SPATA19: variants seen among roughly 807,000 people sequenced by gnomAD.
SPATA19 encodes the protein spermatogenesis-associated protein 19, mitochondrial.
A neutral mutation model predicts 25.0 loss-of-function variants in SPATA19; 19 were observed. The ratio of observed to expected loss-of-function variants is 0.76; its 90% CI spans 0.53 to 1.11. SPATA19 has a LOEUF of 1.11. Among genes scored for constraint, SPATA19 ranks in the 50% most tolerant of loss-of-function variants. The probability of loss-of-function intolerance (pLI) is 0.00; values close to 1 mark genes in which losing one functional copy is unlikely to be tolerated. For synonymous variants in SPATA19, 64 were observed against 69.3 expected (o/e 0.92, Z 0.38); for missense variants, 222 against 211.4 (o/e 1.05, Z -0.31).
intron 2 of SPATA19, 121 bp from the exon 3 acceptor site, chr11:133,844,761 A>G: frequency 1.7e-6 from 2 of 1,176,686 alleles, no homozygotes; most frequent in Non-Finnish European, 2.4e-6. Context: ...ATTCACACAC[A>G]TACACTCCTT....
Position 133,844,643 on chromosome 11 carries a change from G to C in SPATA19, c.136-3C>G. The C allele has an allele frequency of 1.9e-6, 3 of 1,588,652 alleles. No homozygotes were observed. In the East Asian group the frequency reaches 6.7e-5, roughly 36 times the overall value. ...CCCCGAGAAGCCTCTTCTTCTGTCT[G>C]AAAGGTGAGAAATTCCCTCTGAAAA... On this transcript the variant is annotated splice_region_variant and splice_polypyrimidine_tract_variant and intron_variant, in intron 2 of 6. Transcript: ENST00000299140.
rs772940153 is a variant in SPATA19 at position 133,845,190 on chromosome 11, C to T, written c.79G>A (p.Asp27Asn). The change falls in exon 2 of 7, where the codon GAC (aspartate) becomes AAC (asparagine). Residue 27 changes from aspartate to asparagine, a missense_variant and splice_region_variant. Asp to Asn is a conservative substitution (Grantham distance 23, BLOSUM62 1). Transcript: ENST00000299140. ...GCCTCACTTTCCACAACGTCAATGT[C>T]CTGGAACAAATTGGCAAGTTGGTGA... The part of the protein sequence containing the change: ...GLPFLPITSS[D>N]IDVVESEAVS... 5.8e-5 allele frequency: 94 copies of T among 1,613,926 alleles called. No homozygotes were observed. Among genetic ancestry groups the T allele is most frequent in the Non-Finnish European group, 7.5e-5 (89 of 1,179,998 alleles).
chr11:133,842,348 G>A, intron 5 of SPATA19, 137 bp downstream of exon 5: 1 of 791,614 alleles, frequency 1.3e-6, no homozygotes, highest in Non-Finnish European at 2.2e-6. Context: ...ACGCAGCCCT[G>A]GGAACTGTGT....
At chr11:133,844,480 C>A (rs555461058) in intron 3 of SPATA19, 29 bp downstream of exon 3, 29 of 1,614,124 alleles carry the variant, frequency 1.8e-5, no homozygotes, top group East Asian at 6.7e-5. Flanking sequence ...CACCGCTACT[C>A]CCAGGCAAGG....
chr11:133,836,085 T>C (rs1252810430), downstream of SPATA19, among the ~76,000 whole-genome samples: 2 of 152,180 alleles, frequency 1.3e-5, no homozygotes, highest in Non-Finnish European at 2.9e-5. Flanking sequence ...AGGTCTCCAC[T>C]TGCCACATGG....
downstream of SPATA19, among the ~76,000 whole-genome samples, chr11:133,836,634 C>T (rs760429664): frequency 6.6e-6 from 1 of 152,284 alleles, no homozygotes; most frequent in Middle Eastern, 3.4e-3. Flanking sequence ...ATGGGGATGA[C>T]GATTTTAAAA....
At chr11:133,838,952 G>C (rs1159165283), downstream of SPATA19, among the ~76,000 whole-genome samples, 2 of 152,006 alleles carry the variant, frequency 1.3e-5, no homozygotes, top group East Asian at 3.9e-4. Flanking sequence ...ACTGGCCATC[G>C]GAGAAATGCA....
intron 6 of SPATA19, among the ~76,000 whole-genome samples, chr11:133,841,794 C>G (rs1938315839): frequency 1.3e-5 from 2 of 152,200 alleles, no homozygotes; most frequent in Non-Finnish European, 2.9e-5. Flanking sequence ...CTCTCTGACA[C>G]CACAGAGTCA....
At chr11:133,835,943 G>A (rs1248313921), downstream of SPATA19, among the ~76,000 whole-genome samples, 1 of 152,126 alleles carries the variant, frequency 6.6e-6, no homozygotes, top group African/African-American at 2.4e-5. Flanking sequence ...CCACTGCCCA[G>A]TGGATCCTTC....
intron 2 of SPATA19, 40 bp downstream of exon 2, chr11:133,845,094 G>T: frequency 1.3e-6 from 2 of 1,575,246 alleles, no homozygotes; most frequent in South Asian, 2.3e-5. Flanking sequence ...CACTTCTCTA[G>T]CATTTTGGAT....
chr11:133,841,985 A>G, intron 6 of SPATA19, 45 bp downstream of exon 6: 1 of 1,569,678 alleles, frequency 6.4e-7, no homozygotes, highest in Non-Finnish European at 8.8e-7. Flanking sequence ...ACTGCCCAGG[A>G]TAACCATCTT....
rs1029249565 is a variant in SPATA19, at chr11:133,840,670, A to G, written c.*263T>C. ...ACATCTCTTTATTCGCAGTTCAGCA[A>G]GAAGACTCCAGTGCTGACACTGTCG... On this transcript the variant is annotated 3_prime_UTR_variant, in exon 7 of 7. Coordinates refer to ENST00000299140, the MANE Select transcript of SPATA19 (RefSeq NM_174927.3). 1.3e-5 allele frequency: 2 copies of G among 152,210 alleles called. No homozygotes were observed. Among genetic ancestry groups the G allele is most frequent in the South Asian group, 4.1e-4 (2 of 4,830 alleles). The allele number at this position is 152,210 out of a possible 1,614,324, so 9.4% of individuals were successfully genotyped here.
intron 1 of SPATA19, 53 bp from the exon 2 acceptor site, chr11:133,845,243 T>TACCCCCC: frequency 6.4e-7 from 1 of 1,555,092 alleles, no homozygotes; most frequent in Non-Finnish European, 8.8e-7. Flanking sequence ...ATTCAGCTCT[T>TACCCCCC]CCCACCCAGC....
At chr11:133,842,191 G>A (rs1422972726) in intron 5 of SPATA19, 86 bp from the exon 6 acceptor site, 2 of 1,367,658 alleles carry the variant, frequency 1.5e-6, no homozygotes, top group Admixed American at 1.7e-5. Flanking sequence ...GGGCTGCGGT[G>A]GGAGGGCAGG....
chr11:133,842,380 A>T (rs1297094300), intron 5 of SPATA19, 105 bp downstream of exon 5: 2 of 884,670 alleles, frequency 2.3e-6, no homozygotes, highest in Non-Finnish European at 3.8e-6. Flanking sequence ...TGATGTTGGC[A>T]TACCAGAGAT....
chr11:133,842,507 G>C lies in SPATA19; in HGVS notation c.415C>G (p.Arg139Gly), dbSNP rs771066000. ...SEMTEDIMRD[R>G]IEQVRRSISR... The stretch of plus-strand genomic sequence containing the variant: ...TACCTTCGTCTCACCTGCTCTATTC[G>C]ATCTCGCATGATGTCCTCTGTCATC... The change falls in exon 5 of 7, where the codon CGA (arginine) becomes GGA (glycine). Residue 139 changes from arginine (R) to glycine (G), a missense_variant. Physicochemically the swap from Arg to Gly is moderately radical, Grantham distance 125. Coordinates refer to ENST00000299140, the MANE Select transcript of SPATA19 (RefSeq NM_174927.3). 4.1e-5 allele frequency: 66 copies of C among 1,613,758 alleles called. No homozygotes were observed. The highest frequency in any genetic ancestry group is 5.3e-5 in the Non-Finnish European group (63 of 1,179,892).
chr11:133,841,373 A>G (rs1938304971), intron 6 of SPATA19, among the ~76,000 whole-genome samples: 1 of 152,200 alleles, frequency 6.6e-6, no homozygotes, highest in Admixed American at 6.5e-5. Flanking sequence ...ACTGCTCTCC[A>G]ACAGCCTTCC....
At chr11:133,841,714 C>A (rs1472526033) in intron 6 of SPATA19, among the ~76,000 whole-genome samples, 2 of 152,188 alleles carry the variant, frequency 1.3e-5, no homozygotes, top group East Asian at 3.8e-4. Flanking sequence ...TTTAGAAATG[C>A]AAAATTGCAG....
rs1226862734 is a variant in SPATA19 at position 133,845,262 on chromosome 11, C to A, written c.79-72G>T. ...AGCTCTTCCCACCCAGCCCCCGCAA[C>A]TGTTACTCAAATTTATTTGTAAGAT... is the stretch of plus-strand genomic sequence containing the variant. On this transcript the variant is annotated intron_variant, in intron 1 of 6. Coordinates refer to ENST00000299140, the MANE Select transcript of SPATA19 (RefSeq NM_174927.3). 3.3e-5 allele frequency: 48 copies of A among 1,468,672 alleles called. No individual in the cohort carries two copies. In the East Asian group the frequency reaches 1.1e-3, roughly 33 times the overall value. 91.0% of individuals were successfully genotyped at this position (1,468,672 alleles called of 1,614,324 possible).
Sources: allele counts gnomAD v4.1 joint callset (sites outside exome capture counted in the v4.1 genomes callset), GRCh38; gene constraint gnomAD v4.1.1; transcripts MANE v1.5; gene names NCBI Gene and HGNC (gene_info 2026-07-23, HGNC 2026-07-21).